The following BICRAL variants were observed in gnomAD, a reference collection of about 807,000 sequenced individuals.
BICRAL encodes the protein BRD4-interacting chromatin-remodeling complex-associated protein-like.
BICRAL carries 8 observed loss-of-function variants against 91.8 expected under a neutral mutation model. That is an observed-to-expected ratio of 0.09 (90% CI 0.05 to 0.16). The LOEUF (loss-of-function observed/expected upper bound fraction) is 0.16. Among genes scored for constraint, BICRAL ranks in the 10% least tolerant of loss-of-function variants. BICRAL has a pLI of 1.00. For synonymous variants in BICRAL, 445 were observed against 491.1 expected (o/e 0.91, Z 1.24); for missense variants, 1,038 against 1,310.9 (o/e 0.79, Z 3.21).
At chr6:42,846,661 G>A (rs1034637982) in intron 6 of BICRAL, among the ~76,000 whole-genome samples, 4 of 152,152 alleles carry the variant, frequency 2.6e-5, no homozygotes, top group African/African-American at 9.7e-5. Flanking sequence ...CAGGGCCTCT[G>A]CTGCTCAATC....
At chr6:42,858,013 G>C (rs1765439359) in intron 10 of BICRAL, among the ~76,000 whole-genome samples, 1 of 149,482 alleles carries the variant, frequency 6.7e-6, no homozygotes, top group African/African-American at 2.5e-5. Context: ...GTTTCACCAT[G>C]TTGGCCAGGC....
rs528428466 is a variant in BICRAL, at chr6:42,789,416, A to G, written c.-102+7315A>G. Among the ~76,000 whole-genome samples, 556 of 152,210 alleles carry G rather than the reference A, an allele frequency of 3.7e-3. 4 individuals are homozygous for G. The highest frequency in any genetic ancestry group is 0.013 in the African/African-American group (526 of 41,508). On this transcript the variant is annotated intron_variant, in intron 1 of 12. Transcript: ENST00000314073. Reference sequence around the variant, plus strand: ...AGCACTTTGGGAGGCTGAGGCAGGCAAATCGTTTGAGGCCAGGAGTTCAAA... The same window carrying G: ...AGCACTTTGGGAGGCTGAGGCAGGCGAATCGTTTGAGGCCAGGAGTTCAAA...
In BICRAL at chr6:42,845,248, T is replaced by A. The variant is rs141429283; in HGVS notation, c.1840-6844T>A. On this transcript the variant is annotated intron_variant, in intron 6 of 12. Coordinates refer to ENST00000314073, the MANE Select transcript of BICRAL (RefSeq NM_001393499.1). ...TTTTTTTTTTTTTTTTTTTTTTTTT[T>A]AGACAGAGTTTCAGTCGTCACCCAG... Among the ~76,000 whole-genome samples the A allele has an allele frequency of 3.9e-3, 416 of 105,434 alleles. 1 individual carries two copies. The highest frequency in any genetic ancestry group is 6.1e-3 in the Non-Finnish European group (331 of 54,596). The allele number at this position is 105,434 out of a possible 152,430, so 69.2% of individuals were successfully genotyped here.
chr6:42,858,119 T>C (rs1381009792), intron 10 of BICRAL, among the ~76,000 whole-genome samples: 1 of 151,340 alleles, frequency 6.6e-6, no homozygotes, highest in Non-Finnish European at 1.5e-5. Context: ...CCAAACTGTT[T>C]CTAATAGTTT....
intron 1 of BICRAL, among the ~76,000 whole-genome samples, chr6:42,766,996 C>T (rs553002075): frequency 1.1e-4 from 17 of 150,642 alleles, no homozygotes; most frequent in African/African-American, 3.4e-4. Flanking sequence ...GCTGAGATGG[C>T]GCCACTGTAC....
chr6:42,786,378 G>A (rs1763103766), intron 1 of BICRAL, among the ~76,000 whole-genome samples: 1 of 152,178 alleles, frequency 6.6e-6, no homozygotes, highest in East Asian at 1.9e-4. Flanking sequence ...TCCAGTTTTT[G>A]AAGGGAAGTC....
chr6:42,796,518 G>C (rs1375656945), intron 1 of BICRAL, among the ~76,000 whole-genome samples: 1 of 152,162 alleles, frequency 6.6e-6, no homozygotes, highest in Non-Finnish European at 1.5e-5. Flanking sequence ...TTTTACATGG[G>C]AGGAAATGAA....
chr6:42,790,533 C>G (rs891250955), intron 1 of BICRAL, among the ~76,000 whole-genome samples: 5 of 145,440 alleles, frequency 3.4e-5, no homozygotes, highest in Non-Finnish European at 7.6e-5. Flanking sequence ...ACCCCCCCCC[C>G]ACCTTCTTTT....
chr6:42,751,306 T>TAAAA lies in BICRAL; in HGVS notation c.-261+4283_-261+4284insAAAA, dbSNP rs2152019028. 2.0e-5 allele frequency among the ~76,000 whole-genome samples: 3 copies of TAAAA among 152,262 alleles called. 1 individual carries two copies. The South Asian group carries it at 6.2e-4, about 32-fold the overall frequency. Reference sequence around the variant, plus strand: ...CCTTAAATCACTTTCACTGTGTGGGTTCCTTTTTCTCTAAATTGTTTTGTT... The same window carrying TAAAA: ...CCTTAAATCACTTTCACTGTGTGGGTAAAATCCTTTTTCTCTAAATTGTTTTGTT... On this transcript the variant is annotated intron_variant, in intron 1 of 14. Transcript: ENST00000614467.
chr6:42,799,951 GC>G (rs2034284461), intron 1 of BICRAL, among the ~76,000 whole-genome samples: 1 of 151,972 alleles, frequency 6.6e-6, no homozygotes, highest in Non-Finnish European at 1.5e-5. Flanking sequence ...CCCAATCTTG[GC>G]CGACTGCAAC....
intron 1 of BICRAL, among the ~76,000 whole-genome samples, chr6:42,770,269 C>T (rs979718065): frequency 6.6e-6 from 1 of 152,050 alleles, no homozygotes. Context: ...TGCTCTGTCA[C>T]CCAGGCTGGA....
At chr6:42,752,647 A>G (rs1439064293) in intron 1 of BICRAL, among the ~76,000 whole-genome samples, 1 of 151,888 alleles carries the variant, frequency 6.6e-6, no homozygotes, top group Non-Finnish European at 1.5e-5. Flanking sequence ...ACTGTTTCCC[A>G]GGCTGGAGTG....
At chr6:42,770,735 GTC>G (rs1340801011) in intron 1 of BICRAL, among the ~76,000 whole-genome samples, 1 of 150,246 alleles carries the variant, frequency 6.7e-6, no homozygotes, top group Non-Finnish European at 1.5e-5. Context: ...GTTTTTTTCG[GTC>G]TGGAGTGCAG....
At chr6:42,790,330 ATTTTTTTTT>A (rs70990136) in intron 1 of BICRAL, among the ~76,000 whole-genome samples, 12 of 87,822 alleles carry the variant, frequency 1.4e-4, no homozygotes, top group Non-Finnish European at 1.7e-4. Flanking sequence ...AGATAATTTA[ATTTTTTTTT>A]TTTTTTTTTT....
In BICRAL at chr6:42,866,878, T is replaced by C; in HGVS notation, c.*1432T>C. On this transcript the variant is annotated 3_prime_UTR_variant, in exon 13 of 13. Transcript: ENST00000314073. ...TGTAACCATCACTTATCTCCTCTCA[T>C]TGGGAAAGCTACATGATAGTATTTT... The C allele has an allele frequency of 2.2e-6, 1 of 456,134 alleles. No homozygotes were observed. Among genetic ancestry groups the C allele is most frequent in the Middle Eastern group, 3.3e-4 (1 of 3,070 alleles). 28.3% of individuals were successfully genotyped at this position (456,134 alleles called of 1,614,324 possible). A position where few individuals can be genotyped will look rare whatever the true frequency, so the allele number is the denominator to read the frequency against.
chr6:42,839,969 C>T (rs976340668), intron 6 of BICRAL, among the ~76,000 whole-genome samples: 4 of 152,328 alleles, frequency 2.6e-5, no homozygotes, highest in South Asian at 2.1e-4. Context: ...ACAGGATTTA[C>T]ACTTTCTTGT....
chr6:42,762,927 CAA>C (rs398065748), intron 1 of BICRAL, among the ~76,000 whole-genome samples: 6 of 126,624 alleles, frequency 4.7e-5, no homozygotes, highest in East Asian at 2.3e-4. Context: ...GACTCTGTCT[CAA>C]AAAAAAAAAA....
At chr6:42,756,092 T>A (rs543040151) in intron 1 of BICRAL, among the ~76,000 whole-genome samples, 7 of 152,340 alleles carry the variant, frequency 4.6e-5, no homozygotes, top group Admixed American at 3.3e-4. Flanking sequence ...CCAAGTGATG[T>A]TCTAACTTTC....
intron 1 of BICRAL, among the ~76,000 whole-genome samples, chr6:42,769,083 T>C (rs1762681945): frequency 6.6e-6 from 1 of 152,258 alleles, no homozygotes; most frequent in Admixed American, 6.5e-5. Flanking sequence ...AAGCATTTAT[T>C]ACGTCACAGT....
Sources: gnomAD v4.1 joint callset for allele counts (sites outside exome capture counted in the v4.1 genomes callset) on GRCh38, gnomAD v4.1.1 for gene constraint, MANE v1.5 for transcripts, NCBI Gene and HGNC (gene_info 2026-07-23, HGNC 2026-07-21) for gene names.